The following KIF13A variants were observed in gnomAD, a reference collection of about 807,000 sequenced individuals.
KIF13A encodes the protein kinesin-like protein KIF13A.
Under a neutral mutation model 212.2 loss-of-function variants are expected in KIF13A, and 79 were observed. The observed-to-expected ratio is 0.37, with a 90% CI of 0.31 to 0.45. KIF13A has a LOEUF of 0.45. KIF13A is among the 20% of genes least tolerant of loss of function. The pLI is 1.00. For missense variants in KIF13A, 1,901 were observed against 2,209.0 expected, an observed-to-expected ratio of 0.86 and a Z score of 2.79; for synonymous variants, 789 against 808.6, an observed-to-expected ratio of 0.98 and a Z score of 0.41.
rs181356973 is a variant in KIF13A at position 17,947,153 on chromosome 6, A to G, written c.146+39901T>C. Among the ~76,000 whole-genome samples, 1 of 152,344 alleles carries G rather than the reference A, an allele frequency of 6.6e-6. No homozygotes were observed. The highest frequency in any genetic ancestry group is 1.9e-4 in the East Asian group (1 of 5,192). On this transcript the variant is annotated intron_variant, in intron 2 of 38. Coordinates refer to ENST00000259711, the MANE Select transcript of KIF13A (RefSeq NM_022113.6). The surrounding 1 kb of genome is among the most constrained non-coding windows in gnomAD (Gnocchi z 4.6). Reference sequence around the variant, plus strand: ...GTTAAATTATAAAGAAAACTAAGGAAAATAAATATAAAATTCAGGATAGTC... The same window carrying G: ...GTTAAATTATAAAGAAAACTAAGGAGAATAAATATAAAATTCAGGATAGTC...
intron 12 of KIF13A, among the ~76,000 whole-genome samples, chr6:17,833,036 A>T: frequency 6.6e-6 from 1 of 150,998 alleles, no homozygotes; most frequent in East Asian, 1.9e-4. Context: ...AAAAAAAAAA[A>T]AAAAAAATCA....
intron 3 of KIF13A, among the ~76,000 whole-genome samples, chr6:17,894,481 T>C (rs974825876): frequency 2.6e-5 from 4 of 152,176 alleles, no homozygotes; most frequent in South Asian, 2.1e-4. Context: ...ATAAGAATTA[T>C]AGTGATTTTT....
At chr6:17,879,439 G>C (rs1770862726) in intron 3 of KIF13A, among the ~76,000 whole-genome samples, 1 of 152,208 alleles carries the variant, frequency 6.6e-6, no homozygotes, top group Non-Finnish European at 1.5e-5. Context: ...GGTTCAAGCT[G>C]CAGGATATAT....
chr6:17,951,436 T>TAA lies in KIF13A; in HGVS notation c.146+35617_146+35618insTT. 2 of 537,796 alleles carry TAA rather than the reference T, an allele frequency of 3.7e-6. No individual in the cohort carries two copies. Among genetic ancestry groups the TAA allele is most frequent in the South Asian group, 2.5e-5 (1 of 40,800 alleles). The allele number at this position is 537,796 out of a possible 1,614,324, so 33.3% of individuals were successfully genotyped here. A position where few individuals can be genotyped will look rare whatever the true frequency, so the allele number is the denominator to read the frequency against. On this transcript the variant is annotated intron_variant, in intron 2 of 38. Transcript: ENST00000259711. The surrounding 1 kb of genome is among the most constrained non-coding windows in gnomAD (Gnocchi z 4.9). ...GTGAGCCACTGTGACCAGCCTCAAT[T>TAA]TAAAAAAAAAAAAAAAACAGCTTTA...
At chr6:17,959,277 C>T (rs1778618816) in intron 2 of KIF13A, among the ~76,000 whole-genome samples, 1 of 152,182 alleles carries the variant, frequency 6.6e-6, no homozygotes, top group Non-Finnish European at 1.5e-5. Context: ...GAGACAGCCT[C>T]ATCTATGTTA....
In KIF13A at chr6:17,804,481, G is replaced by A. The variant is rs758769150; in HGVS notation, c.2334C>T (p.Asp778=). ...GATTTTCTTGGGCTTCATAGAAAGGGTCACCTCGTTTTCCGTAGAGTCTCT... is the reference window on the plus strand; with the variant it reads ...GATTTTCTTGGGCTTCATAGAAAGGATCACCTCGTTTTCCGTAGAGTCTCT... ...EAKRLYGKRG[D]PFYEAQENHN... Residue 778 remains aspartate (D), a synonymous_variant, in exon 20 of 39, where the codon GAC becomes GAT. Transcript: ENST00000259711. The A allele has an allele frequency of 6.3e-7, 1 of 1,598,506 alleles. No homozygotes were observed. Among genetic ancestry groups the A allele is most frequent in the Non-Finnish European group, 8.5e-7 (1 of 1,171,920 alleles).
intron 2 of KIF13A, among the ~76,000 whole-genome samples, chr6:17,965,089 C>T (rs1003428355): frequency 2.6e-5 from 4 of 152,104 alleles, no homozygotes; most frequent in Non-Finnish European, 5.9e-5. Flanking sequence ...TTGGCCTCCC[C>T]ATAGCGCTGA....
rs141515475 is a variant in KIF13A at position 17,780,633 on chromosome 6, G to A, written c.3846+97C>T. Reference sequence around the variant, plus strand: ...AACTTGGCCAGGATGGTCATGTTTTGCACATCACAGCACCAAAAAACACTG... The same window carrying A: ...AACTTGGCCAGGATGGTCATGTTTTACACATCACAGCACCAAAAAACACTG... On this transcript the variant is annotated intron_variant, in intron 31 of 38. Coordinates refer to ENST00000259711, the MANE Select transcript of KIF13A (RefSeq NM_022113.6). 5 of 1,128,032 alleles carry A rather than the reference G, an allele frequency of 4.4e-6. No homozygotes were observed. The African/African-American group carries it at 7.7e-5, about 17-fold the overall frequency. 69.9% of individuals were successfully genotyped at this position (1,128,032 alleles called of 1,614,324 possible). A position where few individuals can be genotyped will look rare whatever the true frequency, so the allele number is the denominator to read the frequency against.
chr6:17,846,100 C>T (rs571747011), intron 9 of KIF13A, among the ~76,000 whole-genome samples: 5 of 126,716 alleles, frequency 3.9e-5, no homozygotes, highest in East Asian at 4.8e-4. Flanking sequence ...GGATTACAGG[C>T]GCCCACTACC....
chr6:17,965,569 G>A (rs1050262378), intron 2 of KIF13A, among the ~76,000 whole-genome samples: 27 of 152,142 alleles, frequency 1.8e-4, no homozygotes, highest in African/African-American at 5.3e-4. Context: ...CAGCAGGAAG[G>A]AAAATAAATT....
chr6:17,969,720 C>G (rs1779639361), intron 2 of KIF13A, among the ~76,000 whole-genome samples: 1 of 152,128 alleles, frequency 6.6e-6, no homozygotes, highest in Non-Finnish European at 1.5e-5. Flanking sequence ...TCTGGCATCC[C>G]TTACATGAAT....
intron 2 of KIF13A, among the ~76,000 whole-genome samples, chr6:17,923,931 T>G (rs1004683595): frequency 6.6e-6 from 1 of 152,150 alleles, no homozygotes; most frequent in African/African-American, 2.4e-5. Flanking sequence ...TGATCAGCCC[T>G]CTCAGGTCAG....
rs1581644576 is a variant in KIF13A at position 17,888,835 on chromosome 6, A to G, written c.159+9333T>C. On this transcript the variant is annotated intron_variant, in intron 3 of 38. Coordinates refer to ENST00000259711, the MANE Select transcript of KIF13A (RefSeq NM_022113.6). The surrounding 1 kb of genome is among the most constrained non-coding windows in gnomAD (Gnocchi z 4.8). The stretch of plus-strand genomic sequence containing the variant: ...GTGAGACCCTATCTCAAAAAAACAA[A>G]AAAGTAAAAAGAGATGAAATAATTT... Among the ~76,000 whole-genome samples, 2 of 152,122 alleles carry G rather than the reference A, an allele frequency of 1.3e-5. No homozygotes were observed. The highest frequency in any genetic ancestry group is 4.8e-5 in the African/African-American group (2 of 41,454).
At chr6:17,953,027 A>G (rs1377231462) in intron 2 of KIF13A, among the ~76,000 whole-genome samples, 2 of 152,184 alleles carry the variant, frequency 1.3e-5, no homozygotes, top group African/African-American at 4.8e-5. Flanking sequence ...GTATAACAGG[A>G]ATATATTAAT....
At chr6:17,942,720 G>A (rs927246110) in intron 2 of KIF13A, among the ~76,000 whole-genome samples, 1 of 152,172 alleles carries the variant, frequency 6.6e-6, no homozygotes, top group East Asian at 1.9e-4. Context: ...GCTCACGCCT[G>A]TAATCTCAGC....
chr6:17,836,932 G>C lies in KIF13A; in HGVS notation c.1101C>G (p.Ile367Met). The change falls in exon 11 of 39, where the codon ATC (isoleucine) becomes ATG (methionine). Residue 367 changes from isoleucine (I) to methionine (M), a missense_variant. By Grantham distance (10) the Ile-to-Met change is conservative. Transcript: ENST00000259711. ...TCTCGACTTCCTCCCGCAGTTCTCG[G>C]ATCACTTTTGCGTTGGGGTCCTCAT... ...VVNEDPNAKV[I>M]RELREEVEKL... 6.2e-7 allele frequency: 1 copy of C among 1,613,888 alleles called. No homozygotes were observed. Among genetic ancestry groups the C allele is most frequent in the Non-Finnish European group, 8.5e-7 (1 of 1,179,880 alleles).
rs1204767324 is a variant in KIF13A, at chr6:17,982,345, G to C, written c.146+4709C>G. ...ACTCCTGACCTCAGGTGATCTGCCT[G>C]CCTTGGCCTCCCAAAGTGCTGGGAT... On this transcript the variant is annotated intron_variant, in intron 2 of 38. Transcript: ENST00000259711. This position sits in a 1 kb window ranked among gnomAD's most constrained non-coding sequence, Gnocchi z 5.1. 2 of 686,030 alleles carry C rather than the reference G, an allele frequency of 2.9e-6. No individual in the cohort carries two copies. The highest frequency in any genetic ancestry group is 3.6e-6 in the Non-Finnish European group (2 of 557,660). 42.5% of individuals were successfully genotyped at this position (686,030 alleles called of 1,614,324 possible).
chr6:17,820,930 G>A (rs1177221883), intron 16 of KIF13A, among the ~76,000 whole-genome samples: 2 of 152,082 alleles, frequency 1.3e-5, no homozygotes, highest in East Asian at 3.8e-4. Context: ...TGAATTGAGG[G>A]GAAACAGATC....
In KIF13A at chr6:17,898,694, T is replaced by TATTCA. The variant is rs1772795850; in HGVS notation, c.147-515_147-514insTGAAT. Among the ~76,000 whole-genome samples, 1 of 152,274 alleles carries TATTCA rather than the reference T, an allele frequency of 6.6e-6. No individual in the cohort carries two copies. The highest frequency in any genetic ancestry group is 2.1e-4 in the South Asian group (1 of 4,828). On this transcript the variant is annotated intron_variant, in intron 2 of 38. Coordinates refer to ENST00000259711, the MANE Select transcript of KIF13A (RefSeq NM_022113.6). This position sits in a 1 kb window ranked among gnomAD's most constrained non-coding sequence, Gnocchi z 5.2. The stretch of plus-strand genomic sequence containing the variant: ...TTAAATAACTCATATTTTTTAACAC[T>TATTCA]GAATAGACATTTAAAAGCAAGTTTC...
Sources: gnomAD v4.1 joint callset for allele counts (sites outside exome capture counted in the v4.1 genomes callset) on GRCh38, gnomAD v4.1.1 for gene constraint, Gnocchi (gnomAD v3.1) non-coding constraint, MANE v1.5 for transcripts, NCBI Gene and HGNC (gene_info 2026-07-23, HGNC 2026-07-21) for gene names.